The following ACSL1 variants were observed in gnomAD, a reference collection of about 807,000 sequenced individuals.
The protein encoded by ACSL1 is long-chain-fatty-acid--CoA ligase 1.
ACSL1 carries 41 observed loss-of-function variants against 98.4 expected under a neutral mutation model. The observed-to-expected ratio is 0.42, with a 90% confidence interval of 0.32 to 0.54. ACSL1 has a LOEUF of 0.54. Among genes scored for constraint, ACSL1 ranks in the 20% least tolerant of loss-of-function variants. ACSL1 has a pLI of 0.13. For missense variants in ACSL1, 734 were observed against 883.1 expected (o/e 0.83, Z 2.14); for synonymous variants, 316 against 322.7 (o/e 0.98, Z 0.22).
chr4:184,824,048 A>C (rs1490991296), intron 1 of ACSL1, among the ~76,000 whole-genome samples: 1 of 152,254 alleles, frequency 6.6e-6, no homozygotes, highest in Non-Finnish European at 1.5e-5. Context: ...GATAACAATA[A>C]AAATACTGCC....
At chr4:184,807,271 C>T (rs1285595856) in intron 1 of ACSL1, among the ~76,000 whole-genome samples, 1 of 152,188 alleles carries the variant, frequency 6.6e-6, no homozygotes, top group Non-Finnish European at 1.5e-5. Context: ...TCCATATAAA[C>T]ATCTAAGGAA....
intron 2 of ACSL1, among the ~76,000 whole-genome samples, chr4:184,790,315 G>C (rs1768128247): frequency 6.6e-6 from 1 of 152,170 alleles, no homozygotes; most frequent in Non-Finnish European, 1.5e-5. Context: ...TGATACAGAA[G>C]TATATCAAGG....
chr4:184,798,585 G>C (rs1769868466), intron 2 of ACSL1: 1 of 161,116 alleles, frequency 6.2e-6, no homozygotes, highest in South Asian at 1.9e-4. Flanking sequence ...GGCAAACAGG[G>C]CCACACAGCA....
intron 2 of ACSL1, among the ~76,000 whole-genome samples, chr4:184,796,168 T>C (rs551104783): frequency 6.6e-6 from 1 of 152,310 alleles, no homozygotes. Flanking sequence ...TAGACTGGCT[T>C]AGCCTCCCAG....
intron 2 of ACSL1, among the ~76,000 whole-genome samples, chr4:184,789,843 T>C (rs1361841935): frequency 1.3e-5 from 2 of 151,490 alleles, no homozygotes; most frequent in Non-Finnish European, 2.9e-5. Context: ...CTTTAGAGAC[T>C]GATAAATAAA....
Position 184,755,725 on chromosome 4 carries a change from A to C in ACSL1, c.*1400T>G, listed in dbSNP as rs1454228662. The C allele has an allele frequency of 6.5e-6, 1 of 152,678 alleles. No homozygotes were observed. The highest frequency in any genetic ancestry group is 6.5e-5 in the Admixed American group (1 of 15,288). The allele number at this position is 152,678 out of a possible 1,614,324, so 9.5% of individuals were successfully genotyped here. A position where few individuals can be genotyped will look rare whatever the true frequency, so the allele number is the denominator to read the frequency against. On this transcript the variant is annotated 3_prime_UTR_variant, in exon 21 of 21. Coordinates refer to ENST00000281455, the MANE Select transcript of ACSL1 (RefSeq NM_001995.5). ...AAAACCCCAAGGTGACAAATTATTG[A>C]CTTTTTGTGCAATTAAGAATACATA...
In ACSL1 at chr4:184,773,634, T is replaced by G; in HGVS notation, c.841+29A>C. On this transcript the variant is annotated intron_variant, in intron 9 of 20. Coordinates refer to ENST00000281455, the MANE Select transcript of ACSL1 (RefSeq NM_001995.5). The surrounding 1 kb of genome is among the most constrained non-coding windows in gnomAD (Gnocchi z 4.3). Reference sequence around the variant, plus strand: ...AGAGTCCAGACCAATGGCTGCCATATGTAGAAGCAATTCTATCTCAAAACT... The same window carrying G: ...AGAGTCCAGACCAATGGCTGCCATAGGTAGAAGCAATTCTATCTCAAAACT... The G allele has an allele frequency of 6.2e-7, 1 of 1,600,164 alleles. No individual in the cohort carries two copies. The highest frequency in any genetic ancestry group is 8.5e-7 in the Non-Finnish European group (1 of 1,174,130).
intron 1 of ACSL1, among the ~76,000 whole-genome samples, chr4:184,804,317 T>C (rs987554335): frequency 2.0e-5 from 3 of 152,146 alleles, no homozygotes; most frequent in Admixed American, 6.5e-5. Flanking sequence ...CGGTGGCTCA[T>C]GCCTGTAATC....
upstream of ACSL1, chr4:184,826,119 C>CCGCCCGCAGGCCCCGCCCCCG (rs1773477583): frequency 7.8e-6 from 1 of 127,724 alleles, no homozygotes; most frequent in Non-Finnish European, 1.8e-5. Context: ...CCGCCCCGCC[C>CCGCCCGCAGGCCCCGCCCCCG]GCAGGCCCCG....
At chr4:184,799,892 G>C (rs371668987) in intron 2 of ACSL1, among the ~76,000 whole-genome samples, 71 of 152,124 alleles carry the variant, frequency 4.7e-4, no homozygotes, top group African/African-American at 1.6e-3. Flanking sequence ...GGGTTTAGAG[G>C]CTCAAGCCAC....
intron 2 of ACSL1, among the ~76,000 whole-genome samples, chr4:184,791,333 C>T (rs1374753440): frequency 6.6e-6 from 1 of 152,194 alleles, no homozygotes; most frequent in Non-Finnish European, 1.5e-5. Context: ...CCAGGGAACC[C>T]TGGCTGAGCA....
intron 11 of ACSL1, among the ~76,000 whole-genome samples, chr4:184,769,095 A>ATATATATATATATATATG (rs1332804813): frequency 2.8e-5 from 4 of 143,636 alleles, no homozygotes; most frequent in Non-Finnish European, 6.1e-5. Context: ...ATATATATAT[A>ATATATATATATATATATG]GCCTTCCAGA....
chr4:184,769,288 C>G (rs952125404), intron 11 of ACSL1, among the ~76,000 whole-genome samples: 2 of 152,070 alleles, frequency 1.3e-5, no homozygotes, highest in African/African-American at 4.8e-5. Flanking sequence ...AGCTAGAATA[C>G]ACTGCATGAT....
intron 2 of ACSL1, among the ~76,000 whole-genome samples, chr4:184,800,629 T>C (rs1020569345): frequency 5.9e-5 from 9 of 152,216 alleles, no homozygotes; most frequent in African/African-American, 1.4e-4. Context: ...CTTCAGAAGA[T>C]AGAAGCTCTT....
chr4:184,788,776 C>T, intron 2 of ACSL1, 45 bp from the exon 3 acceptor site: 2 of 1,470,352 alleles, frequency 1.4e-6, no homozygotes, highest in Non-Finnish European at 1.9e-6. Flanking sequence ...AGTGAAACAT[C>T]TATGCACTGT....
intron 7 of ACSL1, among the ~76,000 whole-genome samples, chr4:184,776,238 T>G (rs1010369902): frequency 1.3e-5 from 2 of 152,230 alleles, no homozygotes; most frequent in African/African-American, 4.8e-5. Context: ...AGCTTGTCAG[T>G]GCTCTGGAAT....
At chr4:184,775,917 T>C (rs1478870315) in intron 7 of ACSL1, among the ~76,000 whole-genome samples, 1 of 152,230 alleles carries the variant, frequency 6.6e-6, no homozygotes, top group Non-Finnish European at 1.5e-5. Context: ...TTATATCATC[T>C]GACATCAAGC....
At position 184,763,202 on chromosome 4, in the gene ACSL1, C is replaced by T; in HGVS notation, c.1486G>A (p.Glu496Lys). The change falls in exon 16 of 21, where the codon GAA becomes AAA. Residue 496 changes from glutamate to lysine, a missense_variant. Physicochemically the swap from Glu to Lys is moderately conservative, Grantham distance 56. Coordinates refer to ENST00000281455, the MANE Select transcript of ACSL1 (RefSeq NM_001995.5). Reference sequence around the variant, plus strand: ...CCCTCGGCAGCCATGTAATTCATTTCTTCCACATCAACAAGTTTTATCAAA... The same window carrying T: ...CCCTCGGCAGCCATGTAATTCATTTTTTCCACATCAACAAGTTTTATCAAA... ...CNLIKLVDVE[E>K]MNYMAAEGEG... 6.2e-7 allele frequency: 1 copy of T among 1,614,108 alleles called. No homozygotes were observed. Among genetic ancestry groups the T allele is most frequent in the Non-Finnish European group, 8.5e-7 (1 of 1,180,022 alleles).
At chr4:184,809,593 C>T (rs768739219) in intron 1 of ACSL1, among the ~76,000 whole-genome samples, 4 of 151,990 alleles carry the variant, frequency 2.6e-5, no homozygotes, top group Non-Finnish European at 5.9e-5. Flanking sequence ...GAGATCAAGA[C>T]CATCCTGGCT....
Sources: allele counts gnomAD v4.1 joint callset (sites outside exome capture counted in the v4.1 genomes callset), GRCh38; gene constraint gnomAD v4.1.1; non-coding constraint Gnocchi (gnomAD v3.1); transcripts MANE v1.5; gene names NCBI Gene and HGNC (gene_info 2026-07-23, HGNC 2026-07-21).